Variants in CSMD3 observed in about 807,000 individuals in gnomAD.
CSMD3 encodes CUB and Sushi multiple domains 3.
Under a neutral mutation model 435.2 loss-of-function variants are expected in CSMD3, and 177 were observed. The observed-to-expected ratio is 0.41, with a 90% confidence interval of 0.36 to 0.46. CSMD3 has a LOEUF of 0.46. CSMD3 is among the 20% of genes least tolerant of loss of function. The pLI is 0.34. For missense variants in CSMD3, 4,265 were observed against 4,504.6 expected (o/e 0.95, Z 1.52); for synonymous variants, 1,656 against 1,520.5 (o/e 1.09, Z -2.07).
chr8:112,291,808 C>A (rs1819789368), intron 55 of CSMD3, 113 bp from the exon 56 acceptor site: 1 of 692,570 alleles, frequency 1.4e-6, no homozygotes. Flanking sequence ...ATTCAAACAA[C>A]CAGATTCCAA....
chr8:113,247,814 A>G (rs1397556409), intron 3 of CSMD3, among the ~76,000 whole-genome samples: 1 of 152,108 alleles, frequency 6.6e-6, no homozygotes, highest in African/African-American at 2.4e-5. Context: ...ACTTAATTAA[A>G]TCAATATTTA....
intron 3 of CSMD3, among the ~76,000 whole-genome samples, chr8:113,179,066 A>C (rs560662284): frequency 6.6e-6 from 1 of 151,964 alleles, no homozygotes; most frequent in East Asian, 1.9e-4. Context: ...TTACTAATTT[A>C]ATACTAATTC....
intron 2 of CSMD3, among the ~76,000 whole-genome samples, chr8:113,280,446 T>C (rs1459375438): frequency 6.6e-6 from 1 of 151,986 alleles, no homozygotes; most frequent in Non-Finnish European, 1.5e-5. Context: ...CTAGTTTATG[T>C]GCGTAGAGGT....
intron 22 of CSMD3, among the ~76,000 whole-genome samples, chr8:112,587,941 A>T (rs975243631): frequency 3.3e-5 from 5 of 151,880 alleles, no homozygotes; most frequent in Non-Finnish European, 5.9e-5. Flanking sequence ...GGAACTGTCT[A>T]AACATTTAGG....
At chr8:112,684,262 T>G (rs1049633910) in intron 15 of CSMD3, among the ~76,000 whole-genome samples, 4 of 152,060 alleles carry the variant, frequency 2.6e-5, no homozygotes, top group African/African-American at 7.2e-5. Flanking sequence ...TATATAAGTT[T>G]CTATGACACA....
intron 11 of CSMD3, among the ~76,000 whole-genome samples, chr8:112,831,919 C>G (rs1276086121): frequency 6.6e-6 from 1 of 152,146 alleles, no homozygotes; most frequent in Non-Finnish European, 1.5e-5. Flanking sequence ...ACCACTGGAT[C>G]TGGCTCACTA....
chr8:112,764,840 A>G (rs1176282102), intron 13 of CSMD3, among the ~76,000 whole-genome samples: 1 of 151,774 alleles, frequency 6.6e-6, no homozygotes, highest in Non-Finnish European at 1.5e-5. Flanking sequence ...TTTTGTTTAG[A>G]GTAATCATTT....
Position 112,552,821 on chromosome 8 carries a change from T to C in CSMD3, c.4235-101A>G, listed in dbSNP as rs143475041. The C allele has an allele frequency of 2.0e-5, 21 of 1,074,964 alleles. No homozygotes were observed. In the East Asian group the frequency reaches 5.4e-4, roughly 28 times the overall value. 66.6% of individuals were successfully genotyped at this position (1,074,964 alleles called of 1,614,324 possible). A position where few individuals can be genotyped will look rare whatever the true frequency, so the allele number is the denominator to read the frequency against. Reference sequence around the variant, plus strand: ...GTAGACAAAAGAATACTGATTTTCTTGTTTCTTTAAAGTATACATTTGTAT... The same window carrying C: ...GTAGACAAAAGAATACTGATTTTCTCGTTTCTTTAAAGTATACATTTGTAT... On this transcript the variant is annotated intron_variant, in intron 25 of 70. Coordinates refer to ENST00000297405, the MANE Select transcript of CSMD3 (RefSeq NM_198123.2).
At chr8:113,357,392 T>G (rs941947446) in intron 1 of CSMD3, among the ~76,000 whole-genome samples, 14 of 152,230 alleles carry the variant, frequency 9.2e-5, no homozygotes, top group African/African-American at 3.4e-4. Flanking sequence ...CTAAACCAGT[T>G]GCTGCACAGT....
intron 32 of CSMD3, among the ~76,000 whole-genome samples, chr8:112,460,972 A>G (rs1817390022): frequency 6.6e-6 from 1 of 152,174 alleles, no homozygotes; most frequent in African/African-American, 2.4e-5. Flanking sequence ...CAAAATAAGC[A>G]CTATCAATCT....
At chr8:113,389,681 C>T (rs1343494955) in intron 1 of CSMD3, among the ~76,000 whole-genome samples, 1 of 151,704 alleles carries the variant, frequency 6.6e-6, no homozygotes, top group Non-Finnish European at 1.5e-5. Context: ...CAGGCTGATT[C>T]ACCATATGCT....
At chr8:113,367,184 C>T (rs946331401) in intron 1 of CSMD3, among the ~76,000 whole-genome samples, 9 of 151,760 alleles carry the variant, frequency 5.9e-5, no homozygotes, top group Non-Finnish European at 1.2e-4. Context: ...ATTACTTATG[C>T]TATCAAATTT....
At chr8:112,800,758 T>C (rs1373961103) in intron 12 of CSMD3, among the ~76,000 whole-genome samples, 1 of 152,036 alleles carries the variant, frequency 6.6e-6, no homozygotes, top group African/African-American at 2.4e-5. Context: ...CCTTAAAATA[T>C]AGTACCTACA....
intron 27 of CSMD3, among the ~76,000 whole-genome samples, chr8:112,532,147 T>G (rs1278884748): frequency 6.6e-6 from 1 of 151,934 alleles, no homozygotes. Flanking sequence ...AAAGAATTCA[T>G]GACATGGAAG....
At chr8:112,771,120 C>T (rs2078102423) in intron 13 of CSMD3, among the ~76,000 whole-genome samples, 1 of 152,062 alleles carries the variant, frequency 6.6e-6, no homozygotes, top group Non-Finnish European at 1.5e-5. Flanking sequence ...TATACTCTTA[C>T]TTGTCTGGAA....
At chr8:112,598,647 C>G (rs1489632068) in intron 22 of CSMD3, among the ~76,000 whole-genome samples, 2 of 150,004 alleles carry the variant, frequency 1.3e-5, no homozygotes, top group Non-Finnish European at 3.0e-5. Flanking sequence ...ACCAAAACAG[C>G]ATGGTACTGG....
chr8:112,924,521 A>G (rs1490236368), intron 9 of CSMD3, among the ~76,000 whole-genome samples: 3 of 152,082 alleles, frequency 2.0e-5, no homozygotes, highest in Non-Finnish European at 4.4e-5. Flanking sequence ...GTAATAAATG[A>G]CATCTTGTTT....
intron 22 of CSMD3, among the ~76,000 whole-genome samples, chr8:112,613,636 A>G (rs1324657771): frequency 1.3e-5 from 2 of 152,180 alleles, no homozygotes; most frequent in African/African-American, 4.8e-5. Flanking sequence ...GAGAAATACT[A>G]TGGAGTGATT....
chr8:112,432,071 T>A (rs2130404879), intron 32 of CSMD3, among the ~76,000 whole-genome samples: 1 of 151,642 alleles, frequency 6.6e-6, no homozygotes, highest in Admixed American at 6.6e-5. Flanking sequence ...TCCCACTGAA[T>A]CATTTGAGAA....
Sources: gnomAD v4.1 joint callset for allele counts (sites outside exome capture counted in the v4.1 genomes callset) on GRCh38, gnomAD v4.1.1 for gene constraint, MANE v1.5 for transcripts, NCBI Gene and HGNC (gene_info 2026-07-23, HGNC 2026-07-21) for gene names.